CIT: variants seen among roughly 807,000 people sequenced by gnomAD.
The protein encoded by CIT is citron Rho-interacting kinase.
A neutral mutation model predicts 272.7 loss-of-function variants in CIT; 79 were observed. The ratio of observed to expected loss-of-function variants is 0.29; its 90% confidence interval spans 0.24 to 0.35. CIT has a LOEUF of 0.35. CIT is among the 10% of genes least tolerant of loss of function. The pLI is 1.00. For synonymous variants in CIT, 948 were observed against 995.6 expected (o/e 0.95, Z 0.90); for missense variants, 1,909 against 2,618.3 (o/e 0.73, Z 5.91).
rs201585619 is a variant in CIT at position 119,803,417 on chromosome 12, C to T, written c.1112-28G>A. ...GGTTAAAGAAAAACAAGAAAGGAGG[C>T]GGGGAGGAAAAAAAATTTCAGCCGG... On this transcript the variant is annotated intron_variant, in intron 9 of 47. Transcript: ENST00000392521. The T allele has an allele frequency of 3.3e-6, 5 of 1,497,338 alleles. No individual in the cohort carries two copies. The South Asian group carries it at 5.3e-5, about 16-fold the overall frequency. The allele number at this position is 1,497,338 out of a possible 1,614,324, so 92.8% of individuals were successfully genotyped here. A position where few individuals can be genotyped will look rare whatever the true frequency, so the allele number is the denominator to read the frequency against.
At chr12:119,750,997 T>A (rs1960190867) in intron 23 of CIT, among the ~76,000 whole-genome samples, 1 of 151,854 alleles carries the variant, frequency 6.6e-6, no homozygotes, top group Non-Finnish European at 1.5e-5. Flanking sequence ...CTAAACCCAA[T>A]CAGCTGTATT....
intron 37 of CIT, chr12:119,711,010 G>A (rs367608552): frequency 2.4e-5 from 33 of 1,366,292 alleles, no homozygotes; most frequent in Middle Eastern, 2.1e-4. Flanking sequence ...CAAAGGCGCC[G>A]TGTTAGCAGC....
intron 10 of CIT, among the ~76,000 whole-genome samples, chr12:119,786,807 G>A (rs1433196053): frequency 1.3e-5 from 2 of 152,086 alleles, no homozygotes; most frequent in African/African-American, 2.4e-5. Context: ...ATGAGTCAAC[G>A]CCCAGCATCA....
intron 2 of CIT, among the ~76,000 whole-genome samples, chr12:119,871,374 T>G (rs1950672858): frequency 6.6e-6 from 1 of 152,162 alleles, no homozygotes; most frequent in Non-Finnish European, 1.5e-5. Context: ...GCTTTAAACT[T>G]TGTGAGTGCT....
chr12:119,850,708 A>G (rs989675605), intron 4 of CIT, among the ~76,000 whole-genome samples: 1 of 152,300 alleles, frequency 6.6e-6, no homozygotes, highest in Admixed American at 6.5e-5. Context: ...TCCTGAAGCC[A>G]TTCACTGGTG....
chr12:119,805,646 G>A (rs1470347371), intron 9 of CIT, among the ~76,000 whole-genome samples: 1 of 152,066 alleles, frequency 6.6e-6, no homozygotes, highest in Admixed American at 6.6e-5. Flanking sequence ...TTATCTTTAG[G>A]AGACCAAAAT....
intron 23 of CIT, chr12:119,742,810 A>G: frequency 5.2e-6 from 1 of 190,684 alleles, no homozygotes. Flanking sequence ...TCCCATTCTG[A>G]AAAGATGAGT....
intron 8 of CIT, among the ~76,000 whole-genome samples, chr12:119,823,238 T>A (rs1967875816): frequency 6.6e-6 from 1 of 152,144 alleles, no homozygotes. Flanking sequence ...TCTTGCCACA[T>A]TCCCCATCTC....
At chr12:119,738,859 G>A (rs1409688596) in intron 24 of CIT, among the ~76,000 whole-genome samples, 1 of 149,514 alleles carries the variant, frequency 6.7e-6, no homozygotes, top group Non-Finnish European at 1.5e-5. Flanking sequence ...CCCCAGCCTG[G>A]GCAATAAGAG....
Position 119,697,462 on chromosome 12 carries a change from A to G in CIT, c.5882+197T>C, listed in dbSNP as rs1017702915. On this transcript the variant is annotated intron_variant, in intron 46 of 47. Coordinates refer to ENST00000392521, the MANE Select transcript of CIT (RefSeq NM_001206999.2). The surrounding 1 kb of genome is among the most constrained non-coding windows in gnomAD (Gnocchi z 4.9). ...AGACCTCTCCCCTCTGACTTTTGCAAGGTGGTATTTTCTAATTCTCCTGAT... is the reference window on the plus strand; with the variant it reads ...AGACCTCTCCCCTCTGACTTTTGCAGGGTGGTATTTTCTAATTCTCCTGAT... Among the ~76,000 whole-genome samples the G allele has an allele frequency of 6.6e-6, 1 of 152,226 alleles. No individual in the cohort carries two copies. The highest frequency in any genetic ancestry group is 2.4e-5 in the African/African-American group (1 of 41,466).
intron 22 of CIT, among the ~76,000 whole-genome samples, chr12:119,754,707 T>C (rs758449297): frequency 6.6e-6 from 1 of 152,186 alleles, no homozygotes; most frequent in Non-Finnish European, 1.5e-5. Context: ...GAGGGACTGA[T>C]CTGGTTATAT....
At chr12:119,735,009 C>T in intron 25 of CIT, 151 bp downstream of exon 25, 2 of 725,904 alleles carry the variant, frequency 2.8e-6, no homozygotes, top group Non-Finnish European at 4.6e-6. Flanking sequence ...TTTTTAAAAC[C>T]CTAAAGGCTT....
intron 37 of CIT, among the ~76,000 whole-genome samples, chr12:119,711,293 G>A (rs763432636): frequency 5.9e-5 from 9 of 152,202 alleles, no homozygotes; most frequent in East Asian, 1.9e-4. Flanking sequence ...TGGAGCAAAC[G>A]TCAATGAGCA....
At chr12:119,757,013 G>A (rs7302793) in intron 22 of CIT, among the ~76,000 whole-genome samples, 10,919 of 151,768 alleles carry the variant, frequency 0.072, 933 homozygotes, top group African/African-American at 0.2. Flanking sequence ...CCAGCTACTC[G>A]AGAAGCTGAG....
chr12:119,698,081 G>A lies in CIT; in HGVS notation c.5624-27C>T, dbSNP rs766420414. The A allele has an allele frequency of 2.5e-6, 4 of 1,597,636 alleles. No homozygotes were observed. The Admixed American group carries it at 5.0e-5, about 20-fold the overall frequency. On this transcript the variant is annotated intron_variant, in intron 44 of 47. Coordinates refer to ENST00000392521, the MANE Select transcript of CIT (RefSeq NM_001206999.2). ...TGTGTGATCACCATGCAGGCACAGT[G>A]TGGGCCAAAGAATGGTGAAAAGAGG...
chr12:119,712,304 G>T lies in CIT; in HGVS notation c.4728C>A (p.Thr1576=), dbSNP rs1957205637. The T allele has an allele frequency of 6.2e-7, 1 of 1,614,082 alleles. No individual in the cohort carries two copies. Among genetic ancestry groups the T allele is most frequent in the Non-Finnish European group, 8.5e-7 (1 of 1,179,940 alleles). The change falls in exon 37 of 48, where the codon ACC becomes ACA. Residue 1576 remains threonine (T), a synonymous_variant. Transcript: ENST00000392521. This position sits in a 1 kb window ranked among gnomAD's most constrained non-coding sequence, Gnocchi z 5.2. The part of the protein sequence containing the change: ...ILKMESHPHT[T]CWPGRTLYLL... ...AGTAGAGGGTTCTCCCGGGCCAGCA[G>T]GTGGTGTGCGGGTGAGATTCCATCT...
chr12:119,757,300 C>A, intron 22 of CIT, 71 bp downstream of exon 22: 1 of 1,572,802 alleles, frequency 6.4e-7, no homozygotes, highest in Middle Eastern at 2.3e-4. Flanking sequence ...TTGATTTGTG[C>A]TCGAAAGCTG....
At chr12:119,832,365 A>T (rs1237750959) in intron 7 of CIT, among the ~76,000 whole-genome samples, 1 of 152,178 alleles carries the variant, frequency 6.6e-6, no homozygotes, top group Non-Finnish European at 1.5e-5. Flanking sequence ...ATTTGGTTCA[A>T]ATGCTCCAGT....
At chr12:119,751,336 G>T (rs1258647949) in intron 23 of CIT, among the ~76,000 whole-genome samples, 1 of 151,298 alleles carries the variant, frequency 6.6e-6, no homozygotes, top group African/African-American at 2.4e-5. Flanking sequence ...GTTATTCTGG[G>T]TCAGTCTCTG....
Sources: allele counts gnomAD v4.1 joint callset (sites outside exome capture counted in the v4.1 genomes callset), GRCh38; gene constraint gnomAD v4.1.1; non-coding constraint Gnocchi (gnomAD v3.1); transcripts MANE v1.5; gene names NCBI Gene and HGNC (gene_info 2026-07-23, HGNC 2026-07-21).